WRN: variants seen among roughly 807,000 people sequenced by gnomAD.
WRN encodes WRN RecQ like helicase.
In WRN, 149 loss-of-function variants were observed where a neutral mutation model predicts 180.7. The ratio of observed to expected loss-of-function variants is 0.82; its 90% CI spans 0.72 to 0.94. WRN has a LOEUF of 0.94. Ranked by LOEUF, WRN falls within the 40% of genes least tolerant of loss-of-function variation. The pLI is 0.00. For synonymous variants in WRN, 548 were observed against 568.9 expected (o/e 0.96, Z 0.52); for missense variants, 1,661 against 1,700.1 (o/e 0.98, Z 0.40).
At chr8:31,041,304 C>T (rs1439828454) in intron 1 of WRN, among the ~76,000 whole-genome samples, 1 of 152,172 alleles carries the variant, frequency 6.6e-6, no homozygotes, top group Admixed American at 6.5e-5. Context: ...TGTCCCAGCT[C>T]AAAGACAGGC....
At chr8:31,109,720 G>A (rs73583717) in intron 18 of WRN, among the ~76,000 whole-genome samples, 3,694 of 152,120 alleles carry the variant, frequency 0.024, 139 homozygotes, top group African/African-American at 0.085. Context: ...TTATGAGATT[G>A]GCACTGTTAT....
intron 31 of WRN, among the ~76,000 whole-genome samples, chr8:31,153,850 A>G (rs1223852851): frequency 3.3e-5 from 5 of 152,308 alleles, no homozygotes; most frequent in East Asian, 1.9e-4. Context: ...ATATGTATAC[A>G]TAATATAGTA....
chr8:31,143,445 A>T, intron 27 of WRN, 105 bp from the exon 28 acceptor site: 2 of 734,376 alleles, frequency 2.7e-6, no homozygotes, highest in Non-Finnish European at 4.6e-6. Flanking sequence ...CAGCTTGATT[A>T]GGCAAAGAAA....
intron 1 of WRN, among the ~76,000 whole-genome samples, chr8:31,044,747 A>G (rs762922406): frequency 9.9e-5 from 15 of 152,166 alleles, no homozygotes; most frequent in Non-Finnish European, 1.6e-4. Context: ...TAATCTTAAT[A>G]TGTATAGTTC....
intron 16 of WRN, among the ~76,000 whole-genome samples, chr8:31,094,905 G>T (rs1489566045): frequency 6.6e-6 from 1 of 152,092 alleles, no homozygotes; most frequent in Non-Finnish European, 1.5e-5. Context: ...TGGCTGTTAT[G>T]AATAATGATG....
intron 6 of WRN, 94 bp from the exon 7 acceptor site, chr8:31,068,164 T>A: frequency 1.1e-6 from 1 of 895,854 alleles, no homozygotes; most frequent in Non-Finnish European, 1.8e-6. Flanking sequence ...GGGTGCTTTG[T>A]GAATCATTCT....
At chr8:31,070,649 G>T (rs145187287) in intron 7 of WRN, among the ~76,000 whole-genome samples, 3 of 151,646 alleles carry the variant, frequency 2.0e-5, no homozygotes, top group Non-Finnish European at 4.4e-5. Flanking sequence ...AAAACAAGGT[G>T]CTGTAGTTGA....
At chr8:31,159,020 C>G (rs62506103) in intron 33 of WRN, among the ~76,000 whole-genome samples, 1 of 151,782 alleles carries the variant, frequency 6.6e-6, no homozygotes, top group South Asian at 2.1e-4. Context: ...GAGAACAGGC[C>G]GGGCGTGGTG....
intron 29 of WRN, 54 bp downstream of exon 29, chr8:31,147,182 T>C: frequency 1.9e-6 from 3 of 1,570,468 alleles, no homozygotes; most frequent in South Asian, 1.1e-5. Flanking sequence ...TATGATTCTA[T>C]GTATGCTTAA....
intron 33 of WRN, 110 bp downstream of exon 33, chr8:31,157,640 CCTTA>C (rs1200155971): frequency 2.7e-5 from 38 of 1,411,822 alleles, no homozygotes; most frequent in Non-Finnish European, 3.6e-5. Context: ...ATTATGAAAA[CCTTA>C]CTTTTGTGAT....
intron 13 of WRN, among the ~76,000 whole-genome samples, chr8:31,090,011 G>A (rs989670305): frequency 1.3e-5 from 2 of 151,656 alleles, no homozygotes; most frequent in Admixed American, 6.6e-5. Flanking sequence ...AAATTTGCAC[G>A]TAAGGAAATA....
chr8:31,084,434 TC>T (rs1813446050), intron 10 of WRN, among the ~76,000 whole-genome samples: 1 of 152,220 alleles, frequency 6.6e-6, no homozygotes, highest in African/African-American at 2.4e-5. Flanking sequence ...AGAACTTTTT[TC>T]CTAGTAAAAA....
At position 31,142,684 on chromosome 8, in the gene WRN, T is replaced by C. The variant is rs1802693135; in HGVS notation, c.3292T>C (p.Leu1098=). Residue 1098 remains leucine, a synonymous_variant, in exon 27 of 35, where the codon TTA becomes CTA. Transcript: ENST00000298139. ...TTGTTATAATCAAGTACCAGTTGAA[T>C]TAAGTACAGAGAAGAAGGTTTGTTT... ...EHCYNQVPVE[L]STEKKSNLEK... The C allele has an allele frequency of 1.2e-6, 2 of 1,604,524 alleles. No individual in the cohort carries two copies. The highest frequency in any genetic ancestry group is 1.3e-5 in the African/African-American group (1 of 74,788).
At chr8:31,084,739 T>C (rs906683870) in intron 10 of WRN, among the ~76,000 whole-genome samples, 2 of 152,210 alleles carry the variant, frequency 1.3e-5, no homozygotes, top group Admixed American at 6.5e-5. Flanking sequence ...GATATTACAG[T>C]CAGTAGTTTT....
Position 31,100,947 on chromosome 8 carries a change from C to G in WRN, c.2080C>G (p.Leu694Val), listed in dbSNP as rs1014803449. ...FRKLGSLKTALPMVPIVALTA... is the reference protein window; with the variant it reads ...FRKLGSLKTAVPMVPIVALTA... ...GAAGTTGGGCTCCCTAAAGACAGCACTGCCAATGGTAAGCTTTGCCAAGTC... is the reference window on the plus strand; with the variant it reads ...GAAGTTGGGCTCCCTAAAGACAGCAGTGCCAATGGTAAGCTTTGCCAAGTC... The change falls in exon 18 of 35, where the codon CTG becomes GTG. Residue 694 changes from leucine (L) to valine (V), a missense_variant. Physicochemically the swap from Leu to Val is conservative, Grantham distance 32. Transcript: ENST00000298139. 1.2e-6 allele frequency: 2 copies of G among 1,613,640 alleles called. No homozygotes were observed. Among genetic ancestry groups the G allele is most frequent in the Non-Finnish European group, 1.7e-6 (2 of 1,179,668 alleles).
intron 8 of WRN, among the ~76,000 whole-genome samples, chr8:31,079,909 C>A (rs976896712): frequency 1.3e-4 from 19 of 151,794 alleles, no homozygotes; most frequent in Admixed American, 7.2e-4. Context: ...GAGTATTGCT[C>A]TTGTCGCCCA....
At chr8:31,063,802 T>C (rs925828610) in intron 3 of WRN, among the ~76,000 whole-genome samples, 1 of 152,202 alleles carries the variant, frequency 6.6e-6, no homozygotes, top group Non-Finnish European at 1.5e-5. Context: ...TAGCTCACGC[T>C]AACCTCGAAC....
intron 30 of WRN, among the ~76,000 whole-genome samples, chr8:31,148,319 C>T (rs1030141007): frequency 2.6e-5 from 4 of 152,188 alleles, no homozygotes; most frequent in Non-Finnish European, 5.9e-5. Flanking sequence ...GCAGAAGCCT[C>T]TTAACTATTA....
chr8:31,127,171 A>G (rs1324525561), intron 23 of WRN, among the ~76,000 whole-genome samples: 4 of 152,224 alleles, frequency 2.6e-5, no homozygotes, highest in African/African-American at 7.2e-5. Flanking sequence ...TACCAATTCT[A>G]TAGCATGATT....
Sources: allele counts gnomAD v4.1 joint callset (sites outside exome capture counted in the v4.1 genomes callset), GRCh38; gene constraint gnomAD v4.1.1; transcripts MANE v1.5; gene names NCBI Gene and HGNC (gene_info 2026-07-23, HGNC 2026-07-21).